The following DRICH1 variants were observed in gnomAD, a reference collection of about 807,000 sequenced individuals.
DRICH1 encodes aspartate rich 1.
Under a neutral mutation model 39.5 loss-of-function variants are expected in DRICH1, and 38 were observed. The observed-to-expected ratio is 0.96, with a 90% CI of 0.74 to 1.26. The LOEUF (loss-of-function observed/expected upper bound fraction) is 1.26. Among genes scored for constraint, DRICH1 ranks in the 50% most tolerant of loss-of-function variants. The pLI is 0.00. For synonymous variants in DRICH1, 84 were observed against 99.5 expected (o/e 0.84, Z 0.93); for missense variants, 279 against 270.4 (o/e 1.03, Z -0.22).
the DRICH1 span, among the ~76,000 whole-genome samples, chr22:23,589,123 CA>C: frequency 1.6e-4 from 23 of 145,682 alleles, no homozygotes; most frequent in Non-Finnish European, 2.8e-4. Context: ...CACACACACA[CA>C]CACCCCTTTG....
rs143115044 is a variant in DRICH1 at position 23,618,058 on chromosome 22, T to C, written c.437-401A>G. ...TTTAAAGGATTAATTACTTAATTTA[T>C]TGGTGAAATGGATTCAATTTTACCC... is the stretch of plus-strand genomic sequence containing the variant. On this transcript the variant is annotated intron_variant, in intron 6 of 11. Transcript: ENST00000317749. Among the ~76,000 whole-genome samples, 1,225 of 152,262 alleles carry C rather than the reference T, an allele frequency of 8.0e-3. 17 individuals are homozygous for C. Among genetic ancestry groups the C allele is most frequent in the African/African-American group, 0.027 (1,114 of 41,522 alleles).
chr22:23,587,870 G>A, the DRICH1 span, among the ~76,000 whole-genome samples: 2 of 152,186 alleles, frequency 1.3e-5, no homozygotes, highest in Non-Finnish European at 2.9e-5. Flanking sequence ...CGTCTGCACT[G>A]CACAGTTTTA....
At chr22:23,625,689 A>G (rs1392712877) in intron 2 of DRICH1, among the ~76,000 whole-genome samples, 1 of 152,164 alleles carries the variant, frequency 6.6e-6, no homozygotes, top group Non-Finnish European at 1.5e-5. Context: ...CCATAAAAAA[A>G]AATACCTAAA....
chr22:23,584,383 G>A, the DRICH1 span, among the ~76,000 whole-genome samples: 1 of 152,072 alleles, frequency 6.6e-6, no homozygotes, highest in African/African-American at 2.4e-5. Context: ...GCCTCCTGCT[G>A]GTCAGTCCCC....
the DRICH1 span, among the ~76,000 whole-genome samples, chr22:23,585,690 C>T: frequency 6.6e-6 from 1 of 152,042 alleles, no homozygotes; most frequent in Non-Finnish European, 1.5e-5. Flanking sequence ...GCTACTTTCT[C>T]TTTTATTTTT....
chr22:23,620,466 A>T, intron 5 of DRICH1, 128 bp downstream of exon 5: 1 of 1,087,176 alleles, frequency 9.2e-7, no homozygotes, highest in Non-Finnish European at 1.4e-6. Flanking sequence ...GCTCATAGTT[A>T]TACACTTGCA....
At chr22:23,610,876 T>A (rs1926995400) in intron 11 of DRICH1, among the ~76,000 whole-genome samples, 1 of 151,846 alleles carries the variant, frequency 6.6e-6, no homozygotes, top group Non-Finnish European at 1.5e-5. Flanking sequence ...TTTTAACCTA[T>A]TATTAGATGG....
At chr22:23,624,749 T>C in intron 3 of DRICH1, 134 bp downstream of exon 3, 1 of 1,145,460 alleles carries the variant, frequency 8.7e-7, no homozygotes, top group Non-Finnish European at 1.3e-6. Context: ...TCTCTGCTCA[T>C]AATTATACAC....
chr22:23,600,596 T>C, the DRICH1 span, among the ~76,000 whole-genome samples: 5 of 122,852 alleles, frequency 4.1e-5, no homozygotes, highest in African/African-American at 1.6e-4. Context: ...TGGTGGAGGC[T>C]TCATTAACCG....
In DRICH1 at chr22:23,613,335, A is replaced by G; in HGVS notation, c.644-5T>C. 8 of 1,611,814 alleles carry G rather than the reference A, an allele frequency of 5.0e-6. No homozygotes were observed. The highest frequency in any genetic ancestry group is 6.8e-6 in the Non-Finnish European group (8 of 1,177,920). On this transcript the variant is annotated splice_region_variant and splice_polypyrimidine_tract_variant and intron_variant, in intron 10 of 11. Transcript: ENST00000317749. ...TTAGACTCTCCAGCGTCAAGTCTTT[A>G]GAAACAAAAACACCAGAATAAGTCA...
chr22:23,589,121 CACACA>C, the DRICH1 span, among the ~76,000 whole-genome samples: 72 of 145,674 alleles, frequency 4.9e-4, no homozygotes, highest in African/African-American at 1.8e-3. Context: ...CACACACACA[CACACA>C]CCCCTTTGAT....
At position 23,630,237 on chromosome 22, in the gene DRICH1, A is replaced by G. The variant is rs565441422; in HGVS notation, c.208+1579T>C. ...TGTTTGGCACACTTATAGGCCATCC[A>G]CTACCACTACCAGGGGCACGCATAG... On this transcript the variant is annotated intron_variant, in intron 1 of 11. Coordinates refer to ENST00000317749, the MANE Select transcript of DRICH1 (RefSeq NM_016449.4). Among the ~76,000 whole-genome samples the G allele has an allele frequency of 4.6e-5, 7 of 152,234 alleles. No homozygotes were observed. The South Asian group carries it at 1.5e-3, about 32-fold the overall frequency.
chr22:23,589,089 GACACACACACACAC>G, the DRICH1 span, among the ~76,000 whole-genome samples: 321 of 143,918 alleles, frequency 2.2e-3, 3 homozygotes, highest in African/African-American at 7.5e-3. Flanking sequence ...TCTCCCAGCT[GACACACACACACAC>G]ACACACACAC....
At chr22:23,613,384 C>T (rs889245583) in intron 10 of DRICH1, 54 bp from the exon 11 acceptor site, 13 of 1,430,712 alleles carry the variant, frequency 9.1e-6, no homozygotes, top group African/African-American at 1.4e-5. Flanking sequence ...CTCACCCACT[C>T]CTCCTACTTT....
At chr22:23,604,832 T>A (rs1926646179), downstream of DRICH1, among the ~76,000 whole-genome samples, 1 of 152,200 alleles carries the variant, frequency 6.6e-6, no homozygotes, top group African/African-American at 2.4e-5. Context: ...CTTATGACTT[T>A]CTCAATCACT....
At chr22:23,601,110 T>C in the DRICH1 span, among the ~76,000 whole-genome samples, 1 of 151,922 alleles carries the variant, frequency 6.6e-6, no homozygotes, top group East Asian at 1.9e-4. Flanking sequence ...CCATTGGCAA[T>C]AAGCAGAAAC....
Position 23,619,413 on chromosome 22 carries a change from TTAATC to T in DRICH1, c.407-25_407-21del, listed in dbSNP as rs1298031101. ...AGCCACCTGCGGAGAAATGGAAAAG[TTAATC>T]TAAGACTTTAAGGAATCTCTATGTG... is the stretch of plus-strand genomic sequence containing the variant. On this transcript the variant is annotated intron_variant, in intron 5 of 11. Coordinates refer to ENST00000317749, the MANE Select transcript of DRICH1 (RefSeq NM_016449.4). 2 of 779,928 alleles carry T rather than the reference TTAATC, an allele frequency of 2.6e-6. No individual in the cohort carries two copies. The highest frequency in any genetic ancestry group is 4.8e-6 in the Non-Finnish European group (2 of 417,536). The allele number at this position is 779,928 out of a possible 1,614,324, so 48.3% of individuals were successfully genotyped here. A position where few individuals can be genotyped will look rare whatever the true frequency, so the allele number is the denominator to read the frequency against.
At chr22:23,605,052 A>C (rs1428875667), downstream of DRICH1, among the ~76,000 whole-genome samples, 26 of 151,866 alleles carry the variant, frequency 1.7e-4, no homozygotes. Context: ...TCGCCTCACC[A>C]CTCTGGCCTC....
the DRICH1 span, among the ~76,000 whole-genome samples, chr22:23,601,146 G>GCGCACACACACACACA: frequency 2.0e-4 from 29 of 146,216 alleles, no homozygotes; most frequent in African/African-American, 6.6e-4. Flanking sequence ...ACGCACGCGC[G>GCGCACACACACACACA]CACACACACA....
Sources: allele counts gnomAD v4.1 joint callset (sites outside exome capture counted in the v4.1 genomes callset), GRCh38; gene constraint gnomAD v4.1.1; transcripts MANE v1.5; gene names NCBI Gene and HGNC (gene_info 2026-07-23, HGNC 2026-07-21).